The following PTPRQ variants were observed in gnomAD, a reference collection of about 807,000 sequenced individuals.
PTPRQ encodes the protein phosphatidylinositol phosphatase PTPRQ.
Under a neutral mutation model 246.0 loss-of-function variants are expected in PTPRQ, and 199 were observed. That is an observed-to-expected ratio of 0.81 (90% CI 0.72 to 0.91). PTPRQ has a LOEUF of 0.91. Among genes scored for constraint, PTPRQ ranks in the 40% least tolerant of loss-of-function variants. The pLI is 0.00. For synonymous variants in PTPRQ, 869 were observed against 853.2 expected (o/e 1.02, Z -0.32); for missense variants, 2,624 against 2,528.4 (o/e 1.04, Z -0.81).
At chr12:80,475,565 C>T (rs1350948900) in intron 8 of PTPRQ, among the ~76,000 whole-genome samples, 1 of 151,916 alleles carries the variant, frequency 6.6e-6, no homozygotes, top group Non-Finnish European at 1.5e-5. Flanking sequence ...CTAGTTTCCC[C>T]ATAAGAATTT....
At chr12:80,586,500 G>T (rs1323324843) in intron 25 of PTPRQ, 1 of 151,662 alleles carries the variant, frequency 6.6e-6, no homozygotes, top group African/African-American at 2.4e-5. Context: ...ATTCCTCAGG[G>T]ATCTAGAACT....
chr12:80,541,854 G>T lies in PTPRQ; in HGVS notation c.3445+9G>T. 6.6e-7 allele frequency: 1 copy of T among 1,523,682 alleles called. No homozygotes were observed. Among genetic ancestry groups the T allele is most frequent in the Non-Finnish European group, 8.8e-7 (1 of 1,137,152 alleles). The allele number at this position is 1,523,682 out of a possible 1,614,324, so 94.4% of individuals were successfully genotyped here. A position where few individuals can be genotyped will look rare whatever the true frequency, so the allele number is the denominator to read the frequency against. ...CAAGACTGAAGAAGATGGTAGGCTAGACCCTTTTATTGTCTGTTAAGCAGA... is the reference window on the plus strand; with the variant it reads ...CAAGACTGAAGAAGATGGTAGGCTATACCCTTTTATTGTCTGTTAAGCAGA... On this transcript the variant is annotated intron_variant, in intron 21 of 44. Transcript: ENST00000644991.
intron 25 of PTPRQ, among the ~76,000 whole-genome samples, chr12:80,566,797 C>T (rs1229367895): frequency 1.3e-5 from 2 of 152,150 alleles, no homozygotes; most frequent in African/African-American, 4.8e-5. Context: ...GCCTTGGCCT[C>T]ACAAAATGCT....
At chr12:80,460,050 C>T (rs7300248) in intron 5 of PTPRQ, among the ~76,000 whole-genome samples, 44,522 of 151,898 alleles carry the variant, frequency 0.29, 6,898 homozygotes, top group African/African-American at 0.36. Flanking sequence ...GAATAAGCAT[C>T]GTCATTTTAA....
rs1335950364 is a variant in PTPRQ, at chr12:80,510,338, C to A, written c.2573C>A (p.Pro858His). 1.3e-6 allele frequency: 2 copies of A among 1,548,178 alleles called. No homozygotes were observed. Among genetic ancestry groups the A allele is most frequent in the East Asian group, 2.5e-5 (1 of 40,766 alleles). Residue 858 changes from proline (P) to histidine (H), a missense_variant, in exon 17 of 45, where the codon CCT becomes CAT. Pro to His is a moderately conservative substitution (Grantham distance 77). Coordinates refer to ENST00000644991, the MANE Select transcript of PTPRQ (RefSeq NM_001145026.2). Reference protein sequence around the residue: ...LTEEDAPDSPPQDFSVKQLSG... With the variant: ...LTEEDAPDSPHQDFSVKQLSG... ...AACTTTACAGCTCCTGATTCTCCCC[C>A]TCAAGACTTCTCTGTAAAACAGTTG... is the stretch of plus-strand genomic sequence containing the variant.
chr12:80,549,869 T>TA (rs1189479225), intron 25 of PTPRQ, 135 bp downstream of exon 25: 1 of 1,258,372 alleles, frequency 7.9e-7, no homozygotes, highest in African/African-American at 1.5e-5. Flanking sequence ...ACAGGCTTTT[T>TA]ATCCCACGTG....
intron 39 of PTPRQ, among the ~76,000 whole-genome samples, chr12:80,663,223 A>G (rs1161623858): frequency 6.6e-6 from 1 of 151,954 alleles, no homozygotes; most frequent in Non-Finnish European, 1.5e-5. Context: ...TTTTGTAAAT[A>G]AGTTGTAACA....
chr12:80,522,471 C>A (rs1198748234), intron 17 of PTPRQ, among the ~76,000 whole-genome samples: 2 of 152,188 alleles, frequency 1.3e-5, no homozygotes, highest in East Asian at 3.9e-4. Context: ...CCAGTTTTTG[C>A]CCATTCAGTA....
At chr12:80,463,224 A>G (rs1893264126) in intron 6 of PTPRQ, among the ~76,000 whole-genome samples, 1 of 152,272 alleles carries the variant, frequency 6.6e-6, no homozygotes, top group East Asian at 1.9e-4. Context: ...AAGAATGCAG[A>G]AGCATCAGGA....
At chr12:80,493,223 G>C (rs1014015595) in intron 9 of PTPRQ, 52 bp from the exon 10 acceptor site, 1 of 1,367,166 alleles carries the variant, frequency 7.3e-7, no homozygotes, top group African/African-American at 1.5e-5. Flanking sequence ...CTTGATTTAA[G>C]TCATGAAGTG....
chr12:80,448,095 G>T (rs1447064698), intron 3 of PTPRQ, among the ~76,000 whole-genome samples: 1 of 151,912 alleles, frequency 6.6e-6, no homozygotes, highest in Non-Finnish European at 1.5e-5. Flanking sequence ...TCCTTGTAAA[G>T]ATTTTCACCT....
At chr12:80,515,425 CT>C (rs35189865) in intron 17 of PTPRQ, among the ~76,000 whole-genome samples, 287 of 143,962 alleles carry the variant, frequency 2.0e-3, no homozygotes, top group Non-Finnish European at 2.0e-3. Context: ...TGAATATTTC[CT>C]TTTTTTTTTT....
chr12:80,590,088 T>C (rs1376726195), intron 26 of PTPRQ, among the ~76,000 whole-genome samples: 1 of 152,210 alleles, frequency 6.6e-6, no homozygotes, highest in African/African-American at 2.4e-5. Flanking sequence ...ACTGGGCTTG[T>C]GTGTTGAATA....
intron 25 of PTPRQ, among the ~76,000 whole-genome samples, chr12:80,565,728 A>G (rs1896959360): frequency 2.6e-5 from 4 of 152,232 alleles, no homozygotes; most frequent in African/African-American, 7.2e-5. Context: ...TGTTGCATTT[A>G]AGAAATTAAT....
At position 80,444,367 on chromosome 12, in the gene PTPRQ, C is replaced by G. The variant is rs1234746636; in HGVS notation, c.22C>G (p.Leu8Val). ...AAAGATGGATTTTCTTATCATTTTT[C>G]TTTTACTTTTTATTGGGACTTCAGA... is the stretch of plus-strand genomic sequence containing the variant. MDFLIIFLLLFIGTSETQ... is the reference protein window; with the variant it reads MDFLIIFVLLFIGTSETQ... The change falls in exon 1 of 45, where the codon CTT becomes GTT. Residue 8 changes from leucine (L) to valine (V), a missense_variant. By Grantham distance (32) the Leu-to-Val change is conservative. Coordinates refer to ENST00000644991, the MANE Select transcript of PTPRQ (RefSeq NM_001145026.2). The G allele has an allele frequency of 8.1e-6, 12 of 1,475,320 alleles. No homozygotes were observed. The highest frequency in any genetic ancestry group is 7.2e-5 in the African/African-American group (5 of 69,818). The allele number at this position is 1,475,320 out of a possible 1,614,324, so 91.4% of individuals were successfully genotyped here.
chr12:80,487,235 C>T (rs1425005909), intron 9 of PTPRQ, among the ~76,000 whole-genome samples: 2 of 152,046 alleles, frequency 1.3e-5, no homozygotes, highest in African/African-American at 4.8e-5. Context: ...TAAAACAAAA[C>T]AGAAATCTTC....
chr12:80,472,068 T>TA, intron 7 of PTPRQ, 37 bp from the exon 8 acceptor site: 1 of 1,549,988 alleles, frequency 6.5e-7, no homozygotes, highest in East Asian at 2.4e-5. Flanking sequence ...GCACGCTTGA[T>TA]AAAAAATAAT....
intron 26 of PTPRQ, among the ~76,000 whole-genome samples, chr12:80,603,135 A>G (rs770085428): frequency 6.6e-6 from 1 of 151,686 alleles, no homozygotes; most frequent in African/African-American, 2.4e-5. Context: ...CTCAATTTGC[A>G]CCCACATCAA....
Position 80,528,060 on chromosome 12 carries a change from C to T in PTPRQ, c.2679-5955C>T, listed in dbSNP as rs111908359. On this transcript the variant is annotated intron_variant, in intron 17 of 44. Transcript: ENST00000644991. ...GAGTTGTGATCATACCACTGCACTC[C>T]AGCCTGGGTCACAGAGTGAGACTCT... is the stretch of plus-strand genomic sequence containing the variant. 7.8e-4 allele frequency among the ~76,000 whole-genome samples: 118 copies of T among 152,220 alleles called. 1 individual carries two copies. Among genetic ancestry groups the T allele is most frequent in the African/African-American group, 2.8e-3 (116 of 41,536 alleles).
Sources: allele counts gnomAD v4.1 joint callset (sites outside exome capture counted in the v4.1 genomes callset), GRCh38; gene constraint gnomAD v4.1.1; transcripts MANE v1.5; gene names NCBI Gene and HGNC (gene_info 2026-07-23, HGNC 2026-07-21).